The following CIT variants were observed in gnomAD, a reference collection of about 807,000 sequenced individuals.
CIT encodes the protein citron Rho-interacting kinase.
Under a neutral mutation model 272.7 loss-of-function variants are expected in CIT, and 79 were observed. That is an observed-to-expected ratio of 0.29 (90% CI 0.24 to 0.35). CIT has a LOEUF of 0.35. Among genes scored for constraint, CIT ranks in the 10% least tolerant of loss-of-function variants. CIT has a pLI of 1.00. For missense variants in CIT, 1,909 were observed against 2,618.3 expected (o/e 0.73, Z 5.91); for synonymous variants, 948 against 995.6 (o/e 0.95, Z 0.90).
In CIT at chr12:119,787,844, CA is replaced by C. The variant is rs1380080954; in HGVS notation, c.1296-2780del. 2.6e-5 allele frequency among the ~76,000 whole-genome samples: 4 copies of C among 151,610 alleles called. No homozygotes were observed. The East Asian group carries it at 5.8e-4, about 22-fold the overall frequency. On this transcript the variant is annotated intron_variant, in intron 10 of 47. Coordinates refer to ENST00000392521, the MANE Select transcript of CIT (RefSeq NM_001206999.2). ...TCAGTTTCCTCAATTGTAAAATGGCCATAATTACCAACCTACTTCAAAGAGT... is the reference window on the plus strand; with the variant it reads ...TCAGTTTCCTCAATTGTAAAATGGCCTAATTACCAACCTACTTCAAAGAGT...
Position 119,784,857 on chromosome 12 carries a change from A to T in CIT, c.1401+103T>A, listed in dbSNP as rs2137714135. ...GGCAGGAGCGCCTCACTCTCTACGGATCAGGCGGCTCAGAGCCAGCAGCGG... is the reference window on the plus strand; with the variant it reads ...GGCAGGAGCGCCTCACTCTCTACGGTTCAGGCGGCTCAGAGCCAGCAGCGG... On this transcript the variant is annotated intron_variant, in intron 11 of 47. Transcript: ENST00000392521. This position sits in a 1 kb window ranked among gnomAD's most constrained non-coding sequence, Gnocchi z 4.7. 1.3e-6 allele frequency: 2 copies of T among 1,512,012 alleles called. No individual in the cohort carries two copies. 93.7% of individuals were successfully genotyped at this position (1,512,012 alleles called of 1,614,324 possible). A position where few individuals can be genotyped will look rare whatever the true frequency, so the allele number is the denominator to read the frequency against.
chr12:119,693,722 G>A (rs917246811), intron 46 of CIT, among the ~76,000 whole-genome samples: 1 of 152,186 alleles, frequency 6.6e-6, no homozygotes, highest in African/African-American at 2.4e-5. Context: ...TGGTTTTTCA[G>A]CAAGTTCCTC....
chr12:119,773,731 G>A (rs1963440567), intron 16 of CIT, among the ~76,000 whole-genome samples: 1 of 152,136 alleles, frequency 6.6e-6, no homozygotes, highest in Admixed American at 6.6e-5. Context: ...CCCGGCCTGT[G>A]TTTGCTGTTT....
At chr12:119,870,818 T>C (rs1177559753) in intron 2 of CIT, among the ~76,000 whole-genome samples, 1 of 152,000 alleles carries the variant, frequency 6.6e-6, no homozygotes, top group Non-Finnish European at 1.5e-5. Flanking sequence ...TATTTATTAC[T>C]TACAAAAAAA....
In CIT at chr12:119,784,957, T is replaced by A; in HGVS notation, c.1401+3A>T. ...GAAGGAGGCCGGCTGCGGAAATAAA[T>A]ACCTTGTGACACTTGTCCTGAGAGT... On this transcript the variant is annotated splice_donor_region_variant and intron_variant, in intron 11 of 47. Transcript: ENST00000392521. This position sits in a 1 kb window ranked among gnomAD's most constrained non-coding sequence, Gnocchi z 4.7. The A allele has an allele frequency of 6.2e-7, 1 of 1,614,108 alleles. No homozygotes were observed. Among genetic ancestry groups the A allele is most frequent in the Non-Finnish European group, 8.5e-7 (1 of 1,180,002 alleles).
intron 10 of CIT, among the ~76,000 whole-genome samples, chr12:119,797,264 T>C (rs899105517): frequency 6.6e-6 from 1 of 152,232 alleles, no homozygotes; most frequent in Non-Finnish European, 1.5e-5. Context: ...GGGCTAGGAT[T>C]GTCTGGATTA....
intron 10 of CIT, among the ~76,000 whole-genome samples, chr12:119,797,944 T>C (rs763185195): frequency 6.6e-6 from 1 of 152,230 alleles, no homozygotes; most frequent in Non-Finnish European, 1.5e-5. Flanking sequence ...ATTAACCAAA[T>C]GCTTATTAAG....
intron 4 of CIT, among the ~76,000 whole-genome samples, chr12:119,855,019 G>A (rs1368333113): frequency 1.3e-5 from 2 of 152,196 alleles, no homozygotes; most frequent in African/African-American, 4.8e-5. Context: ...AGCTACTTAA[G>A]AGGCTGAGGC....
At chr12:119,830,978 G>A (rs1282464814) in intron 7 of CIT, among the ~76,000 whole-genome samples, 2 of 152,176 alleles carry the variant, frequency 1.3e-5, no homozygotes, top group African/African-American at 4.8e-5. Flanking sequence ...CGATCCTACT[G>A]TCTTGGCCTC....
At chr12:119,720,366 GTA>G in intron 30 of CIT, 110 bp downstream of exon 30, 1 of 724,694 alleles carries the variant, frequency 1.4e-6, no homozygotes, top group Non-Finnish European at 2.3e-6. Flanking sequence ...AACAAAAAAA[GTA>G]TACTTTGTTT....
rs1297382867 is a variant in CIT, at chr12:119,693,776, C to T, written c.5883-3322G>A. Among the ~76,000 whole-genome samples, 4 of 152,318 alleles carry T rather than the reference C, an allele frequency of 2.6e-5. No individual in the cohort carries two copies. The South Asian group carries it at 6.2e-4, about 24-fold the overall frequency. On this transcript the variant is annotated intron_variant, in intron 46 of 47. Coordinates refer to ENST00000392521, the MANE Select transcript of CIT (RefSeq NM_001206999.2). ...CCAAACATTTCAGATTAATTAACTC[C>T]TATACATCAACAAAAGAGAGATTAT...
rs374303430 is a variant in CIT at position 119,718,344 on chromosome 12, C to T, written c.4069G>A (p.Ala1357Thr). 25 of 1,614,058 alleles carry T rather than the reference C, an allele frequency of 1.5e-5. No individual in the cohort carries two copies. The highest frequency in any genetic ancestry group is 1.5e-4 in the Admixed American group (9 of 60,012). ...GGCGACCGCACGATGGCGGACATGG[C>T]GATCTGCTGCCTCGCGGTGGCTGGC... The part of the protein sequence containing the change: ...STPATARQQI[A>T]MSAIVRSPEH... The change falls in exon 32 of 48, where the codon GCC becomes ACC. Residue 1357 changes from alanine (A) to threonine (T), a missense_variant. By Grantham distance (58) the Ala-to-Thr change is moderately conservative (BLOSUM62 0). Transcript: ENST00000392521. The surrounding 1 kb of genome is among the most constrained non-coding windows in gnomAD (Gnocchi z 4.8).
At chr12:119,758,338 A>G (rs1961301018) in intron 21 of CIT, among the ~76,000 whole-genome samples, 1 of 152,220 alleles carries the variant, frequency 6.6e-6, no homozygotes, top group African/African-American at 2.4e-5. Context: ...CAAATTATAA[A>G]TAGCCTCATT....
chr12:119,709,785 AGAGTGTGT>A (rs1172486175), intron 39 of CIT, among the ~76,000 whole-genome samples: 1,076 of 52,234 alleles, frequency 0.021, 5 homozygotes, highest in South Asian at 0.049. Flanking sequence ...AGAGAGAGAG[AGAGTGTGT>A]GTGTGTGTGT....
rs896111739 is a variant in CIT, at chr12:119,776,546, G to C, written c.1836+126C>G. On this transcript the variant is annotated intron_variant, in intron 14 of 47. Coordinates refer to ENST00000392521, the MANE Select transcript of CIT (RefSeq NM_001206999.2). ...TATCTTCTGTAAATAAAGACCAAGA[G>C]TTTTCCAAGGTATCCTACTATTTCT... 4 of 1,145,866 alleles carry C rather than the reference G, an allele frequency of 3.5e-6. No homozygotes were observed. The African/African-American group carries it at 6.2e-5, about 18-fold the overall frequency. 71.0% of individuals were successfully genotyped at this position (1,145,866 alleles called of 1,614,324 possible). A position where few individuals can be genotyped will look rare whatever the true frequency, so the allele number is the denominator to read the frequency against.
intron 46 of CIT, among the ~76,000 whole-genome samples, chr12:119,693,011 TTG>T (rs1236145797): frequency 2.0e-5 from 3 of 151,138 alleles, no homozygotes; most frequent in African/African-American, 7.2e-5. Flanking sequence ...TTAAGCCTAC[TTG>T]TAATGGAAAA....
chr12:119,872,477 C>T (rs186716855), intron 2 of CIT, among the ~76,000 whole-genome samples: 1 of 152,354 alleles, frequency 6.6e-6, no homozygotes, highest in East Asian at 1.9e-4. Context: ...AAACAGCATC[C>T]TTACCTGATA....
At chr12:119,691,171 C>CAAAAAA (rs35222584) in intron 46 of CIT, among the ~76,000 whole-genome samples, 3 of 70,254 alleles carry the variant, frequency 4.3e-5, no homozygotes, top group African/African-American at 5.9e-5. Flanking sequence ...GACTCCGTCT[C>CAAAAAA]AAAAAAAAAA....
chr12:119,776,767 G>A lies in CIT; in HGVS notation c.1741C>T (p.Arg581Trp), dbSNP rs757102339. The change falls in exon 14 of 48, where the codon CGG (arginine) becomes TGG (tryptophan). Residue 581 changes from arginine to tryptophan, a missense_variant. By Grantham distance (101) the Arg-to-Trp change is moderately radical. Transcript: ENST00000392521. ...LEEDLVSARRRSDLYESELRE... is the reference protein window; with the variant it reads ...LEEDLVSARRWSDLYESELRE... Reference sequence around the variant, plus strand: ...AGCTCAGATTCGTAGAGATCACTCCGTCTTCTTGCTGAGACAAGATCCTCT... The same window carrying A: ...AGCTCAGATTCGTAGAGATCACTCCATCTTCTTGCTGAGACAAGATCCTCT... The A allele has an allele frequency of 5.0e-6, 8 of 1,613,912 alleles. No individual in the cohort carries two copies. Among genetic ancestry groups the A allele is most frequent in the East Asian group, 2.2e-5 (1 of 44,888 alleles).
Sources: gnomAD v4.1 joint callset for allele counts (sites outside exome capture counted in the v4.1 genomes callset) on GRCh38, gnomAD v4.1.1 for gene constraint, Gnocchi (gnomAD v3.1) non-coding constraint, MANE v1.5 for transcripts, NCBI Gene and HGNC (gene_info 2026-07-23, HGNC 2026-07-21) for gene names.